LIG1: variants seen among roughly 807,000 people sequenced by gnomAD.
LIG1 encodes DNA ligase 1, also known as ligase I, DNA, ATP-dependent.
A neutral mutation model predicts 115.7 loss-of-function variants in LIG1; 70 were observed. The observed-to-expected ratio is 0.60, with a 90% CI of 0.50 to 0.74. The LOEUF is 0.74. LIG1 is among the 30% of genes least tolerant of loss of function. The probability of loss-of-function intolerance (pLI) is 0.00; values close to 1 mark genes in which losing one functional copy is unlikely to be tolerated. For synonymous variants in LIG1, 487 were observed against 495.3 expected (o/e 0.98, Z 0.22); for missense variants, 1,115 against 1,225.6 (o/e 0.91, Z 1.35).
intron 21 of LIG1, 50 bp downstream of exon 21, chr19:48,127,227 C>A (rs771899414): frequency 5.4e-6 from 8 of 1,487,670 alleles, no homozygotes; most frequent in Admixed American, 5.0e-5. Context: ...CAGGCTCACA[C>A]CCCACCCCGT....
In LIG1 at chr19:48,131,240, A is replaced by T; in HGVS notation, c.1726-69T>A. 6 of 1,138,060 alleles carry T rather than the reference A, an allele frequency of 5.3e-6. No individual in the cohort carries two copies. In the South Asian group the frequency reaches 7.5e-5, roughly 14 times the overall value. The allele number at this position is 1,138,060 out of a possible 1,614,324, so 70.5% of individuals were successfully genotyped here. A position where few individuals can be genotyped will look rare whatever the true frequency, so the allele number is the denominator to read the frequency against. ...CATGTGGCCTCAGCTTTCTCTTCTG[A>T]CCCCACCTGCACTGGTAGAAGGTTC... On this transcript the variant is annotated intron_variant, in intron 18 of 27. Transcript: ENST00000263274.
chr19:48,144,491 T>C (rs915866346), intron 9 of LIG1, among the ~76,000 whole-genome samples: 1 of 152,128 alleles, frequency 6.6e-6, no homozygotes, highest in Admixed American at 6.6e-5. Context: ...CAATCAGACA[T>C]GGGAGGAAGG....
chr19:48,116,039 C>T, intron 26 of LIG1, 74 bp from the exon 27 acceptor site: 1 of 1,083,358 alleles, frequency 9.2e-7, no homozygotes, highest in Non-Finnish European at 1.4e-6. Context: ...CTCCTCCACT[C>T]TGGACTGTTT....
Position 48,148,711 on chromosome 19 carries a change from G to A in LIG1, c.776+1052C>T, listed in dbSNP as rs559497829. Among the ~76,000 whole-genome samples, 5 of 152,250 alleles carry A rather than the reference G, an allele frequency of 3.3e-5. No homozygotes were observed. In the East Asian group the frequency reaches 5.8e-4, roughly 18 times the overall value. ...CTTTATAGGATATTTATCCACCCAC[G>A]CATCCAATCATCCATTCAGCCAGTC... On this transcript the variant is annotated intron_variant, in intron 9 of 27. Transcript: ENST00000263274.
chr19:48,143,796 C>T, intron 10 of LIG1, 87 bp downstream of exon 10: 3 of 1,242,500 alleles, frequency 2.4e-6, no homozygotes, highest in Non-Finnish European at 3.6e-6. Context: ...GAGACTTGAC[C>T]ATTTCTCCCA....
At chr19:48,161,070 C>T (rs997118548) in intron 4 of LIG1, 2 of 441,224 alleles carry the variant, frequency 4.5e-6, no homozygotes, top group African/African-American at 4.0e-5. Flanking sequence ...GCATTATTCT[C>T]AGATCTGTAT....
chr19:48,161,355 G>A lies in LIG1; in HGVS notation c.243+17C>T, dbSNP rs370578927. The stretch of plus-strand genomic sequence containing the variant: ...TAGTTTCTTCTGGTAAAAATGGGCA[G>A]GGTGATGGGGACCTACCTGGCCTTT... On this transcript the variant is annotated intron_variant, in intron 4 of 27. Transcript: ENST00000263274. 2 of 1,614,154 alleles carry A rather than the reference G, an allele frequency of 1.2e-6. No homozygotes were observed. Among genetic ancestry groups the A allele is most frequent in the Non-Finnish European group, 1.7e-6 (2 of 1,180,010 alleles).
rs143067650 is a variant in LIG1 at position 48,167,094 on chromosome 19, C to T, written c.-57-1471G>A. Among the ~76,000 whole-genome samples, 399 of 151,144 alleles carry T rather than the reference C, an allele frequency of 2.6e-3. 5 individuals carry two copies. Among genetic ancestry groups the T allele is most frequent in the Admixed American group, 0.022 (334 of 15,186 alleles). ...ATGAAATTTGACAGGAAAGAAATTA[C>T]GACTTTATTCTTGTAAACTTCTAAT... is the stretch of plus-strand genomic sequence containing the variant. On this transcript the variant is annotated intron_variant, in intron 1 of 27. Coordinates refer to ENST00000263274, the MANE Select transcript of LIG1 (RefSeq NM_000234.3).
Position 48,121,068 on chromosome 19 carries a change from G to T in LIG1, c.2385+102C>A, listed in dbSNP as rs1180894465. The T allele has an allele frequency of 1.9e-6, 3 of 1,598,742 alleles. No individual in the cohort carries two copies. The Admixed American group carries it at 5.0e-5, about 27-fold the overall frequency. On this transcript the variant is annotated intron_variant, in intron 24 of 27. Coordinates refer to ENST00000263274, the MANE Select transcript of LIG1 (RefSeq NM_000234.3). Reference sequence around the variant, plus strand: ...TGGGGAGAACGGATCCTTCACAGGGGGATGTGAGCACCCCTCGGTCTGGGT... The same window carrying T: ...TGGGGAGAACGGATCCTTCACAGGGTGATGTGAGCACCCCTCGGTCTGGGT...
chr19:48,135,877 C>T (rs1265448139), intron 15 of LIG1, 98 bp from the exon 16 acceptor site: 9 of 1,274,594 alleles, frequency 7.1e-6, no homozygotes, highest in Non-Finnish European at 9.0e-6. Flanking sequence ...AATGCAGATG[C>T]CGCGGCCCAA....
At chr19:48,148,492 G>T (rs868270142) in intron 9 of LIG1, among the ~76,000 whole-genome samples, 13 of 145,426 alleles carry the variant, frequency 8.9e-5, no homozygotes, top group Non-Finnish European at 1.6e-4. Flanking sequence ...AAAAAAAAAA[G>T]CAGGGAGGAA....
At chr19:48,120,401 A>G (rs1465925550) in intron 24 of LIG1, 2 of 985,278 alleles carry the variant, frequency 2.0e-6, no homozygotes, top group Non-Finnish European at 2.4e-6. Flanking sequence ...AAATGTAAAT[A>G]AAACATTCCC....
At position 48,162,336 on chromosome 19, in the gene LIG1, G is replaced by T. The variant is rs774492831; in HGVS notation, c.33C>A (p.Pro11=). 35 of 1,613,528 alleles carry T rather than the reference G, an allele frequency of 2.2e-5. No individual in the cohort carries two copies. The South Asian group carries it at 3.3e-4, about 15-fold the overall frequency. Residue 11 remains proline, a synonymous_variant, in exon 3 of 28, where the codon CCC becomes CCA. Coordinates refer to ENST00000263274, the MANE Select transcript of LIG1 (RefSeq NM_000234.3). MQRSIMSFFH[P]KKEGKAKKPE... ...GCTTCTTTGCTTTACCCTCTTTCTT[G>T]GGGTGGAAAAATGACCTAGAGGAGC... is the stretch of plus-strand genomic sequence containing the variant.
intron 25 of LIG1, chr19:48,118,582 A>T (rs551188111): frequency 4.4e-5 from 5 of 114,006 alleles, no homozygotes; most frequent in African/African-American, 1.4e-4. Flanking sequence ...TCTGTTTCCC[A>T]GGCTGGAGTG....
At chr19:48,128,064 G>T in intron 19 of LIG1, 44 bp from the exon 20 acceptor site, 1 of 1,480,400 alleles carries the variant, frequency 6.8e-7, no homozygotes, top group Non-Finnish European at 9.4e-7. Flanking sequence ...AGAGGTGGAA[G>T]ATGAGGTGGA....
chr19:48,133,660 ATG>A, intron 17 of LIG1, among the ~76,000 whole-genome samples: 1 of 152,124 alleles, frequency 6.6e-6, no homozygotes, highest in Middle Eastern at 3.2e-3. Flanking sequence ...CAGTAGCGCG[ATG>A]ACGGCTCACT....
At chr19:48,142,439 T>A (rs1323354466) in intron 11 of LIG1, among the ~76,000 whole-genome samples, 1 of 36,692 alleles carries the variant, frequency 2.7e-5, no homozygotes. Context: ...CAAGACTCCA[T>A]CTCAAAAAAA....
chr19:48,156,957 A>G (rs1396041360), intron 5 of LIG1, 57 bp downstream of exon 5: 14 of 1,337,592 alleles, frequency 1.0e-5, no homozygotes, highest in Middle Eastern at 2.4e-4. Flanking sequence ...AAAAAAAAAA[A>G]AAAAAGAGAA....
At chr19:48,162,708 A>G (rs1971775) in intron 2 of LIG1, among the ~76,000 whole-genome samples, 78,072 of 151,826 alleles carry the variant, frequency 0.51, 20,338 homozygotes, top group East Asian at 0.68. Context: ...GATTACAGGC[A>G]TAAGCCACCG....
Sources: allele counts gnomAD v4.1 joint callset (sites outside exome capture counted in the v4.1 genomes callset), GRCh38; gene constraint gnomAD v4.1.1; transcripts MANE v1.5; gene names NCBI Gene and HGNC (gene_info 2026-07-23, HGNC 2026-07-21).